PTGFRN: variants seen among roughly 807,000 people sequenced by gnomAD.
PTGFRN encodes prostaglandin F2 receptor inhibitor.
PTGFRN carries 35 observed loss-of-function variants against 83.2 expected under a neutral mutation model. The observed-to-expected ratio is 0.42, with a 90% confidence interval of 0.32 to 0.56. The LOEUF (loss-of-function observed/expected upper bound fraction) is 0.56. Ranked by LOEUF, PTGFRN falls within the 20% of genes least tolerant of loss-of-function variation. The pLI, the probability that PTGFRN is intolerant of heterozygous loss-of-function variation, is 0.11. For synonymous variants in PTGFRN, 519 were observed against 498.6 expected (o/e 1.04, Z -0.55); for missense variants, 1,051 against 1,179.5 (o/e 0.89, Z 1.60).
At chr1:116,981,359 G>A (rs891491094) in intron 7 of PTGFRN, among the ~76,000 whole-genome samples, 6 of 152,066 alleles carry the variant, frequency 3.9e-5, no homozygotes, top group African/African-American at 7.2e-5. Flanking sequence ...CATGGCTGCC[G>A]GCAGAAATCT....
intron 4 of PTGFRN, among the ~76,000 whole-genome samples, chr1:116,960,787 G>C (rs914521271): frequency 6.6e-6 from 1 of 152,168 alleles, no homozygotes; most frequent in East Asian, 1.9e-4. Context: ...GATGGGCCTC[G>C]AGTTCTGGAA....
intron 7 of PTGFRN, among the ~76,000 whole-genome samples, chr1:116,979,493 A>C (rs539749347): frequency 3.5e-4 from 54 of 152,230 alleles, no homozygotes; most frequent in Non-Finnish European, 5.3e-4. Flanking sequence ...GCAGTAACCA[A>C]AACAGCATGG....
At chr1:116,960,570 ACAGGTGAG>A (rs1185232714) in intron 4 of PTGFRN, among the ~76,000 whole-genome samples, 1 of 152,178 alleles carries the variant, frequency 6.6e-6, no homozygotes, top group African/African-American at 2.4e-5. Context: ...TCACAGTGAC[ACAGGTGAG>A]TTACATGTGG....
At chr1:116,925,855 A>C (rs968076631) in intron 1 of PTGFRN, among the ~76,000 whole-genome samples, 1 of 152,202 alleles carries the variant, frequency 6.6e-6, no homozygotes, top group South Asian at 2.1e-4. Flanking sequence ...GCGTGCAGCA[A>C]AAAAATACTG....
At chr1:116,934,919 G>C (rs995329550) in intron 1 of PTGFRN, among the ~76,000 whole-genome samples, 3 of 152,162 alleles carry the variant, frequency 2.0e-5, no homozygotes, top group Non-Finnish European at 4.4e-5. Flanking sequence ...TTTCCGCTTT[G>C]CTCTTATTCC....
intron 3 of PTGFRN, 64 bp from the exon 4 acceptor site, chr1:116,949,128 G>A (rs1650268849): frequency 1.3e-6 from 2 of 1,508,912 alleles, no homozygotes; most frequent in African/African-American, 1.4e-5. Context: ...CTTTAAAGAG[G>A]GTGGAGAATA....
rs1334754366 is a variant in PTGFRN at position 116,909,994 on chromosome 1, AGGGAGGGAAGGAGGC to A, written c.-201_-187del. The A allele has an allele frequency of 3.5e-6, 2 of 564,274 alleles. No homozygotes were observed. Among genetic ancestry groups the A allele is most frequent in the African/African-American group, 2.1e-5 (1 of 46,732 alleles). The allele number at this position is 564,274 out of a possible 1,614,324, so 35.0% of individuals were successfully genotyped here. On this transcript the variant is annotated 5_prime_UTR_variant, in exon 1 of 9. Transcript: ENST00000393203. ...GCTCCCGGGCCCGGCCGGCTGGAGG[AGGGAGGGAAGGAGGC>A]GGGAGGGAGCGAGCGGAGCCAGGGG...
chr1:116,979,558 A>G (rs1368527164), intron 7 of PTGFRN, among the ~76,000 whole-genome samples: 1 of 152,228 alleles, frequency 6.6e-6, no homozygotes, highest in African/African-American at 2.4e-5. Context: ...GCCCTCAAAA[A>G]TAATACCACA....
chr1:116,912,612 G>T (rs1478686810), intron 1 of PTGFRN, among the ~76,000 whole-genome samples: 1 of 152,058 alleles, frequency 6.6e-6, no homozygotes, highest in Admixed American at 6.5e-5. Context: ...CCACACAGTT[G>T]GTGTCTTCCT....
chr1:116,976,831 C>G (rs1162892900), intron 7 of PTGFRN, among the ~76,000 whole-genome samples: 2 of 152,166 alleles, frequency 1.3e-5, no homozygotes, highest in Non-Finnish European at 2.9e-5. Context: ...AGCAAAATAA[C>G]TAGCTAACAT....
chr1:116,934,875 ACTGT>A (rs999769976), intron 1 of PTGFRN, among the ~76,000 whole-genome samples: 7 of 152,256 alleles, frequency 4.6e-5, no homozygotes, highest in Non-Finnish European at 1.0e-4. Context: ...ATGCTTTGAG[ACTGT>A]CTTTTAGTCT....
chr1:116,984,647 C>A (rs996348640), intron 7 of PTGFRN, 33 bp from the exon 8 acceptor site: 2 of 1,599,836 alleles, frequency 1.3e-6, no homozygotes, highest in Non-Finnish European at 1.7e-6. Context: ...GCCCATTGCA[C>A]TGACCCCAGG....
intron 7 of PTGFRN, among the ~76,000 whole-genome samples, chr1:116,979,029 A>T (rs1213788699): frequency 6.6e-6 from 1 of 152,240 alleles, no homozygotes; most frequent in Non-Finnish European, 1.5e-5. Flanking sequence ...AAGTCTCAGG[A>T]TACAAAATCA....
chr1:116,939,207 A>T (rs767062696), intron 1 of PTGFRN, among the ~76,000 whole-genome samples: 1 of 152,232 alleles, frequency 6.6e-6, no homozygotes, highest in Non-Finnish European at 1.5e-5. Context: ...GCCATGCCCC[A>T]GTAGGGGCTG....
intron 4 of PTGFRN, among the ~76,000 whole-genome samples, chr1:116,954,845 A>G (rs1373462427): frequency 6.6e-6 from 1 of 152,222 alleles, no homozygotes; most frequent in African/African-American, 2.4e-5. Flanking sequence ...TACCAATCTT[A>G]CAAGGTTGTT....
intron 1 of PTGFRN, among the ~76,000 whole-genome samples, chr1:116,938,158 ATAT>A (rs1478010265): frequency 6.6e-6 from 1 of 152,168 alleles, no homozygotes; most frequent in Non-Finnish European, 1.5e-5. Flanking sequence ...CTGGGTAGTG[ATAT>A]ATTATTTCAA....
At chr1:116,915,835 G>C (rs1649392027) in intron 1 of PTGFRN, among the ~76,000 whole-genome samples, 1 of 152,204 alleles carries the variant, frequency 6.6e-6, no homozygotes, top group Admixed American at 6.5e-5. Context: ...GTTTCTTAAA[G>C]GCAGGGTTGC....
At chr1:116,939,397 C>T (rs1570654504) in intron 1 of PTGFRN, among the ~76,000 whole-genome samples, 2 of 152,380 alleles carry the variant, frequency 1.3e-5, no homozygotes, top group Admixed American at 6.5e-5. Flanking sequence ...AGGCTTGACA[C>T]CACGTGGCAG....
At chr1:116,947,030 T>G (rs552892293) in intron 3 of PTGFRN, among the ~76,000 whole-genome samples, 1 of 152,320 alleles carries the variant, frequency 6.6e-6, no homozygotes, top group South Asian at 2.1e-4. Context: ...AGATGCTATA[T>G]TTCAGGTACA....
Sources: allele counts gnomAD v4.1 joint callset (sites outside exome capture counted in the v4.1 genomes callset), GRCh38; gene constraint gnomAD v4.1.1; transcripts MANE v1.5; gene names NCBI Gene and HGNC (gene_info 2026-07-23, HGNC 2026-07-21).